Variants in LIN7A observed in about 807,000 individuals in gnomAD.
LIN7A encodes lin-7 cell polarity scaffold A.
Under a neutral mutation model 29.8 loss-of-function variants are expected in LIN7A, and 25 were observed. That is an observed-to-expected ratio of 0.84 (90% CI 0.61 to 1.17). The LOEUF (loss-of-function observed/expected upper bound fraction) is 1.17, where lower values mean the gene tolerates loss of function less well. Ranked by LOEUF, LIN7A falls within the 50% of genes most tolerant of loss-of-function variation. LIN7A has a pLI of 0.00. For synonymous variants in LIN7A, 118 were observed against 107.5 expected (o/e 1.10, Z -0.60); for missense variants, 239 against 287.0 (o/e 0.83, Z 1.21).
At chr12:80,838,457 A>C (rs1872677480) in intron 4 of LIN7A, among the ~76,000 whole-genome samples, 2 of 152,228 alleles carry the variant, frequency 1.3e-5, no homozygotes, top group Non-Finnish European at 2.9e-5. Context: ...CTGCCTTCTC[A>C]GTGTTGCAAA....
At chr12:80,862,339 T>A (rs1381392563) in intron 2 of LIN7A, among the ~76,000 whole-genome samples, 3 of 152,234 alleles carry the variant, frequency 2.0e-5, no homozygotes, top group African/African-American at 4.8e-5. Context: ...AAATAAGGAC[T>A]ATCACTGATT....
Position 80,796,170 on chromosome 12 carries a change from G to A in LIN7A, c.*1557C>T, listed in dbSNP as rs1870440606. 1 of 152,070 alleles carries A rather than the reference G, an allele frequency of 6.6e-6. No individual in the cohort carries two copies. The highest frequency in any genetic ancestry group is 2.4e-5 in the African/African-American group (1 of 41,430). 9.4% of individuals were successfully genotyped at this position (152,070 alleles called of 1,614,324 possible). A position where few individuals can be genotyped will look rare whatever the true frequency, so the allele number is the denominator to read the frequency against. ...TGAGCTTCATACATTTCTATTTTGG[G>A]GGATTATCTGAAGTGTCAAATTGTA... On this transcript the variant is annotated 3_prime_UTR_variant, in exon 6 of 6. Transcript: ENST00000552864.
chr12:80,906,498 G>A (rs952792757), intron 1 of LIN7A, among the ~76,000 whole-genome samples: 1 of 151,950 alleles, frequency 6.6e-6, no homozygotes, highest in Admixed American at 6.6e-5. Context: ...TTTCACTGGG[G>A]GTTGGGGGGT....
chr12:80,836,586 CAG>C (rs72362794), intron 4 of LIN7A, among the ~76,000 whole-genome samples: 35,346 of 151,992 alleles, frequency 0.23, 4,945 homozygotes, highest in Non-Finnish European at 0.33. Flanking sequence ...GTCTGGGAGG[CAG>C]AGTTTGCAGT....
intron 2 of LIN7A, among the ~76,000 whole-genome samples, chr12:80,868,645 C>G (rs755463700): frequency 5.3e-5 from 8 of 152,196 alleles, no homozygotes; most frequent in Non-Finnish European, 8.8e-5. Flanking sequence ...ATCTTTTCTT[C>G]ATAGCCATGT....
chr12:80,799,156 TGA>T (rs1345960047), intron 5 of LIN7A, among the ~76,000 whole-genome samples: 2 of 152,230 alleles, frequency 1.3e-5, no homozygotes, highest in Non-Finnish European at 2.9e-5. Flanking sequence ...GGAGTCAGCC[TGA>T]GAGAGAGCAC....
chr12:80,870,694 C>A (rs551055360), intron 2 of LIN7A, among the ~76,000 whole-genome samples: 1 of 152,238 alleles, frequency 6.6e-6, no homozygotes, highest in South Asian at 2.1e-4. Context: ...CTCTTCTAAC[C>A]AGAAATTATG....
intron 4 of LIN7A, among the ~76,000 whole-genome samples, chr12:80,839,774 A>C: frequency 6.6e-6 from 1 of 152,130 alleles, no homozygotes; most frequent in Admixed American, 6.5e-5. Context: ...CTTACTTTCA[A>C]CTTGATATAG....
intron 1 of LIN7A, among the ~76,000 whole-genome samples, chr12:80,906,983 C>T (rs934351412): frequency 3.3e-5 from 5 of 151,398 alleles, no homozygotes; most frequent in Non-Finnish European, 7.4e-5. Context: ...TCTTTTCAGA[C>T]AATTCAACCA....
At chr12:80,937,561 G>A (rs903733414) in intron 1 of LIN7A, 80 bp downstream of exon 1, 140 of 1,067,036 alleles carry the variant, frequency 1.3e-4, no homozygotes, top group Non-Finnish European at 1.8e-4. Context: ...CGCGTCCCAT[G>A]TCCCGTTGGG....
At chr12:80,867,908 G>A (rs1874224309) in intron 2 of LIN7A, among the ~76,000 whole-genome samples, 1 of 152,092 alleles carries the variant, frequency 6.6e-6, no homozygotes, top group Non-Finnish European at 1.5e-5. Context: ...TTAAAAAACT[G>A]CTACATTTAT....
chr12:80,904,996 C>T lies in LIN7A; in HGVS notation c.83-15627G>A, dbSNP rs138762808. On this transcript the variant is annotated intron_variant, in intron 1 of 5. Transcript: ENST00000552864. ...CTCCATGATCATTTACTTATTATTA[C>T]TTGCTTTTATCTGTATTTTTTCTTT... 2.1e-3 allele frequency among the ~76,000 whole-genome samples: 326 copies of T among 151,918 alleles called. 2 individuals carry two copies. The highest frequency in any genetic ancestry group is 6.8e-3 in the African/African-American group (283 of 41,454).
chr12:80,809,827 T>G (rs1305018000), intron 5 of LIN7A, among the ~76,000 whole-genome samples: 1 of 152,210 alleles, frequency 6.6e-6, no homozygotes, highest in African/African-American at 2.4e-5. Context: ...GGCAGGAGAA[T>G]CTTAGACACA....
chr12:80,926,349 T>TA (rs1877581212), intron 1 of LIN7A, among the ~76,000 whole-genome samples: 4 of 152,204 alleles, frequency 2.6e-5, no homozygotes, highest in Admixed American at 2.6e-4. Context: ...TTCCTATTTT[T>TA]AAAATTCCTT....
chr12:80,831,813 G>T (rs1026571070), intron 4 of LIN7A, among the ~76,000 whole-genome samples: 1 of 152,162 alleles, frequency 6.6e-6, no homozygotes, highest in African/African-American at 2.4e-5. Flanking sequence ...CATGGGCAAT[G>T]ATATTTAAAG....
chr12:80,861,030 T>C (rs1402013025), intron 2 of LIN7A: 1 of 152,210 alleles, frequency 6.6e-6, no homozygotes, highest in Non-Finnish European at 1.5e-5. Flanking sequence ...CTACTAATTT[T>C]GCACTGTCTA....
At chr12:80,927,775 G>C (rs1008439224) in intron 1 of LIN7A, among the ~76,000 whole-genome samples, 4 of 152,024 alleles carry the variant, frequency 2.6e-5, no homozygotes, top group Admixed American at 2.6e-4. Context: ...TTGTTACATA[G>C]GTATACATGT....
intron 4 of LIN7A, among the ~76,000 whole-genome samples, chr12:80,824,701 T>A (rs1174089917): frequency 6.6e-6 from 1 of 152,220 alleles, no homozygotes. Context: ...GATGCAGGGA[T>A]GGTTTAACAT....
intron 5 of LIN7A, among the ~76,000 whole-genome samples, chr12:80,799,809 AATT>A (rs781533000): frequency 2.2e-4 from 34 of 152,110 alleles, no homozygotes; most frequent in Non-Finnish European, 3.5e-4. Flanking sequence ...GAAAATAGGA[AATT>A]AATAGAGAAA....
Sources: gnomAD v4.1 joint callset for allele counts (sites outside exome capture counted in the v4.1 genomes callset) on GRCh38, gnomAD v4.1.1 for gene constraint, MANE v1.5 for transcripts, NCBI Gene and HGNC (gene_info 2026-07-23, HGNC 2026-07-21) for gene names.